The following NAALADL2 variants were observed in gnomAD, a reference collection of about 807,000 sequenced individuals.
NAALADL2 encodes inactive N-acetylated-alpha-linked acidic dipeptidase-like protein 2.
A neutral mutation model predicts 87.2 loss-of-function variants in NAALADL2; 76 were observed. That is an observed-to-expected ratio of 0.87 (90% CI 0.72 to 1.05). The LOEUF (loss-of-function observed/expected upper bound fraction) is 1.05. NAALADL2 is among the 50% of genes least tolerant of loss of function. The pLI, the probability that NAALADL2 is intolerant of heterozygous loss-of-function variation, is 0.00. For synonymous variants in NAALADL2, 354 were observed against 331.0 expected (o/e 1.07, Z -0.75); for missense variants, 1,089 against 945.8 (o/e 1.15, Z -1.99).
At chr3:175,377,606 A>G (rs780900239) in intron 5 of NAALADL2, among the ~76,000 whole-genome samples, 3 of 152,180 alleles carry the variant, frequency 2.0e-5, no homozygotes, top group Non-Finnish European at 4.4e-5. Context: ...TCTCAAGCAT[A>G]AAAACCTGTG....
intron 2 of NAALADL2, chr3:174,692,179 C>A (rs1578564246): frequency 6.6e-6 from 1 of 152,330 alleles, no homozygotes; most frequent in East Asian, 1.9e-4. Flanking sequence ...GCAGCTGTAA[C>A]CTTACCAAAT....
intron 1 of NAALADL2, among the ~76,000 whole-genome samples, chr3:174,476,118 A>T (rs1034440564): frequency 9.2e-5 from 14 of 152,002 alleles, no homozygotes; most frequent in African/African-American, 3.4e-4. Context: ...ATAATCAGAG[A>T]ATCAAATATT....
chr3:174,616,491 C>T (rs612021), intron 2 of NAALADL2, among the ~76,000 whole-genome samples: 98,274 of 151,700 alleles, frequency 0.65, 33,068 homozygotes, highest in East Asian at 0.87. Context: ...GGAACATTCA[C>T]TCAGAACCAC....
chr3:175,304,936 T>C (rs1351878748), intron 4 of NAALADL2, among the ~76,000 whole-genome samples: 1 of 152,208 alleles, frequency 6.6e-6, no homozygotes, highest in Non-Finnish European at 1.5e-5. Context: ...AAAATGAGAA[T>C]TAAGTTCCTA....
chr3:174,522,119 T>C (rs535414706), intron 1 of NAALADL2, among the ~76,000 whole-genome samples: 67 of 152,110 alleles, frequency 4.4e-4, no homozygotes, highest in African/African-American at 1.6e-3. Context: ...AATAAAGCCA[T>C]GCACAATGGC....
At chr3:175,020,683 C>G (rs1751448126) in intron 1 of NAALADL2, among the ~76,000 whole-genome samples, 2 of 152,050 alleles carry the variant, frequency 1.3e-5, no homozygotes, top group African/African-American at 4.8e-5. Context: ...TGTCAAACTG[C>G]TTGGCTATTA....
chr3:175,634,745 C>A (rs922708066), intron 11 of NAALADL2, among the ~76,000 whole-genome samples: 1 of 151,840 alleles, frequency 6.6e-6, no homozygotes, highest in South Asian at 2.1e-4. Context: ...TTTAAGAAAA[C>A]AAGTTTAAGG....
At chr3:174,527,699 A>G (rs1385678601) in intron 1 of NAALADL2, among the ~76,000 whole-genome samples, 2 of 152,168 alleles carry the variant, frequency 1.3e-5, no homozygotes, top group African/African-American at 4.8e-5. Context: ...TGTCTAATGG[A>G]GGCAGAAATT....
intron 1 of NAALADL2, among the ~76,000 whole-genome samples, chr3:174,880,346 A>C (rs1729050371): frequency 6.6e-6 from 1 of 152,106 alleles, no homozygotes; most frequent in South Asian, 2.1e-4. Context: ...CAAAACAAAA[A>C]ACTCAAGTAA....
At chr3:174,756,455 CA>C (rs1578802896) in intron 3 of NAALADL2, among the ~76,000 whole-genome samples, 1 of 152,174 alleles carries the variant, frequency 6.6e-6, no homozygotes, top group East Asian at 1.9e-4. Context: ...TTACTATGTA[CA>C]CTCTTTAGCA....
chr3:174,640,410 T>G (rs1578398347), intron 2 of NAALADL2, among the ~76,000 whole-genome samples: 1 of 152,282 alleles, frequency 6.6e-6, no homozygotes. Flanking sequence ...TATGATATCT[T>G]TAAACTGGCA....
rs1460098587 is a variant in NAALADL2, at chr3:175,579,387, C to A, written c.1800+3200C>A. On this transcript the variant is annotated intron_variant, in intron 10 of 13. Coordinates refer to ENST00000454872, the MANE Select transcript of NAALADL2 (RefSeq NM_207015.3). ...ACATGACATTTTGTAATATCTATCC[C>A]CAATATTTCAAGCTATTCCACATTC... Among the ~76,000 whole-genome samples, 3 of 152,080 alleles carry A rather than the reference C, an allele frequency of 2.0e-5. No homozygotes were observed. The East Asian group carries it at 5.8e-4, about 29-fold the overall frequency.
intron 3 of NAALADL2, among the ~76,000 whole-genome samples, chr3:174,756,599 T>C (rs1712112292): frequency 6.6e-6 from 1 of 152,224 alleles, no homozygotes; most frequent in Admixed American, 6.5e-5. Flanking sequence ...TCTTATCCAG[T>C]TTTGCCTAAA....
In NAALADL2 at chr3:175,353,279, G is replaced by A. The variant is rs140779058; in HGVS notation, c.1090+28954G>A. Among the ~76,000 whole-genome samples the A allele has an allele frequency of 4.3e-3, 648 of 152,026 alleles. 3 individuals are homozygous for A. Among genetic ancestry groups the A allele is most frequent in the Middle Eastern group, 0.014 (4 of 294 alleles). ...CCCATCTACTTGAGAGGTTGAGGTC[G>A]GAGGATCTCTTGAGCCCAGGAATTT... is the stretch of plus-strand genomic sequence containing the variant. On this transcript the variant is annotated intron_variant, in intron 5 of 13. Transcript: ENST00000454872.
At chr3:174,907,121 ATAAT>A (rs888333426) in intron 1 of NAALADL2, among the ~76,000 whole-genome samples, 3 of 152,086 alleles carry the variant, frequency 2.0e-5, no homozygotes, top group Non-Finnish European at 4.4e-5. Context: ...ATTTGATCTG[ATAAT>A]TAATCAAACT....
chr3:175,657,973 G>A (rs1370356142), intron 11 of NAALADL2, among the ~76,000 whole-genome samples: 4 of 151,336 alleles, frequency 2.6e-5, no homozygotes, highest in African/African-American at 9.7e-5. Flanking sequence ...ATATGTATGT[G>A]AGAAGGAAAA....
At chr3:174,987,298 G>A (rs962789700) in intron 1 of NAALADL2, among the ~76,000 whole-genome samples, 18 of 151,832 alleles carry the variant, frequency 1.2e-4, no homozygotes, top group Admixed American at 6.6e-5. Flanking sequence ...GGCCGGGCGC[G>A]GTGGCTCACG....
chr3:175,368,292 A>G (rs1765932529), intron 5 of NAALADL2, among the ~76,000 whole-genome samples: 1 of 152,124 alleles, frequency 6.6e-6, no homozygotes, highest in African/African-American at 2.4e-5. Context: ...ATCAATGTTC[A>G]TCAAGGATAT....
chr3:174,542,410 C>A (rs1408579068), intron 1 of NAALADL2, among the ~76,000 whole-genome samples: 3 of 152,104 alleles, frequency 2.0e-5, no homozygotes, highest in African/African-American at 7.2e-5. Context: ...GATGCCTGAT[C>A]TAAGGGGCCT....
Sources: gnomAD v4.1 joint callset for allele counts (sites outside exome capture counted in the v4.1 genomes callset) on GRCh38, gnomAD v4.1.1 for gene constraint, MANE v1.5 for transcripts, NCBI Gene and HGNC (gene_info 2026-07-23, HGNC 2026-07-21) for gene names.